The following KIAA0319 variants were observed in gnomAD, a reference collection of about 807,000 sequenced individuals.
KIAA0319 encodes the protein KIAA0319, also known as dyslexia-associated protein KIAA0319.
KIAA0319 carries 83 observed loss-of-function variants against 108.4 expected under a neutral mutation model. The observed-to-expected ratio is 0.77, with a 90% CI of 0.64 to 0.92. The LOEUF (loss-of-function observed/expected upper bound fraction) is 0.92, where lower values mean the gene tolerates loss of function less well. Ranked by LOEUF, KIAA0319 falls within the 40% of genes least tolerant of loss-of-function variation. The pLI is 0.00. For synonymous variants in KIAA0319, 484 were observed against 510.4 expected (o/e 0.95, Z 0.70); for missense variants, 1,195 against 1,322.4 (o/e 0.90, Z 1.49).
chr6:24,612,316 G>C (rs1037883421), intron 1 of KIAA0319, among the ~76,000 whole-genome samples: 1 of 151,898 alleles, frequency 6.6e-6, no homozygotes, highest in African/African-American at 2.4e-5. Flanking sequence ...GCCAAGCATA[G>C]TGGCACCACC....
At chr6:24,619,798 A>G (rs1046580433) in intron 1 of KIAA0319, among the ~76,000 whole-genome samples, 7 of 152,226 alleles carry the variant, frequency 4.6e-5, no homozygotes, top group Non-Finnish European at 8.8e-5. Flanking sequence ...AGGGGGAGAA[A>G]CTTAAAATAA....
rs910767364 is a variant in KIAA0319, at chr6:24,588,013, G to C, written c.994+580C>G. Among the ~76,000 whole-genome samples the C allele has an allele frequency of 8.5e-5, 13 of 152,172 alleles. 1 individual carries two copies. The highest frequency in any genetic ancestry group is 1.9e-4 in the Non-Finnish European group (13 of 68,040). On this transcript the variant is annotated intron_variant, in intron 4 of 20. Coordinates refer to ENST00000378214, the MANE Select transcript of KIAA0319 (RefSeq NM_014809.4). ...AAAATACATGATCTTTCCAGTTCTT[G>C]TCCTGCTTACCACTCCAGTTCCAGC...
At chr6:24,596,641 T>C (rs764270112) in intron 2 of KIAA0319, 23 bp from the exon 3 acceptor site, 2 of 1,570,044 alleles carry the variant, frequency 1.3e-6, no homozygotes, top group Non-Finnish European at 1.7e-6. Context: ...TAGTTTCTAA[T>C]GAGGGAGAGA....
chr6:24,613,280 G>A (rs2127557121), intron 1 of KIAA0319, among the ~76,000 whole-genome samples: 1 of 152,218 alleles, frequency 6.6e-6, no homozygotes, highest in Non-Finnish European at 1.5e-5. Context: ...GAGGGGTGGA[G>A]GATGAACAGG....
At chr6:24,632,144 G>GTAGAA (rs1775660445) in intron 1 of KIAA0319, among the ~76,000 whole-genome samples, 1 of 152,210 alleles carries the variant, frequency 6.6e-6, no homozygotes, top group African/African-American at 2.4e-5. Context: ...TGGAAAGAAG[G>GTAGAA]TAGAATATTG....
At chr6:24,601,826 C>T (rs2127535858) in intron 1 of KIAA0319, among the ~76,000 whole-genome samples, 1 of 152,300 alleles carries the variant, frequency 6.6e-6, no homozygotes, top group South Asian at 2.1e-4. Flanking sequence ...AGCAATCTGG[C>T]TTCCTACAAG....
At chr6:24,630,648 A>G (rs749849955) in intron 1 of KIAA0319, among the ~76,000 whole-genome samples, 15 of 148,592 alleles carry the variant, frequency 1.0e-4, no homozygotes, top group Non-Finnish European at 1.9e-4. Context: ...CTTCTTTTAG[A>G]TTCTCGTTCC....
intron 1 of KIAA0319, among the ~76,000 whole-genome samples, chr6:24,602,600 A>C (rs1412985665): frequency 6.6e-6 from 1 of 152,138 alleles, no homozygotes; most frequent in Non-Finnish European, 1.5e-5. Flanking sequence ...GGAGATCGAG[A>C]CCATCCTGGC....
At chr6:24,642,990 G>A (rs1777163302) in intron 1 of KIAA0319, among the ~76,000 whole-genome samples, 1 of 152,198 alleles carries the variant, frequency 6.6e-6, no homozygotes, top group Non-Finnish European at 1.5e-5. Flanking sequence ...TTATAGGCAT[G>A]AGCCACCGCG....
intron 1 of KIAA0319, among the ~76,000 whole-genome samples, chr6:24,603,802 T>C (rs1385965241): frequency 1.3e-5 from 2 of 152,200 alleles, no homozygotes; most frequent in African/African-American, 4.8e-5. Context: ...AGATGGTGTC[T>C]GGAAGTTCTA....
At chr6:24,613,038 A>T (rs186223953) in intron 1 of KIAA0319, among the ~76,000 whole-genome samples, 1 of 152,132 alleles carries the variant, frequency 6.6e-6, no homozygotes, top group East Asian at 1.9e-4. Context: ...TGACCTGGTG[A>T]TCCGCCCGCC....
chr6:24,641,372 G>A (rs1303059669), intron 1 of KIAA0319, among the ~76,000 whole-genome samples: 2 of 152,162 alleles, frequency 1.3e-5, no homozygotes, highest in African/African-American at 4.8e-5. Flanking sequence ...CTTTAGAAAG[G>A]TAACCCTAGA....
intron 1 of KIAA0319, among the ~76,000 whole-genome samples, chr6:24,613,172 C>T (rs1772616418): frequency 6.6e-6 from 1 of 152,062 alleles, no homozygotes; most frequent in Non-Finnish European, 1.5e-5. Context: ...TGAGAGCTTA[C>T]ATCTACTCGG....
intron 1 of KIAA0319, among the ~76,000 whole-genome samples, chr6:24,615,235 G>A (rs565412967): frequency 1.3e-5 from 2 of 152,168 alleles, no homozygotes; most frequent in East Asian, 3.9e-4. Context: ...ACAACCTAAC[G>A]TCAATTGACA....
chr6:24,630,687 A>ATG (rs1409403451), intron 1 of KIAA0319, among the ~76,000 whole-genome samples: 1 of 70,756 alleles, frequency 1.4e-5, no homozygotes, highest in African/African-American at 7.2e-5. Context: ...ATATGTGTAT[A>ATG]TATATATATA....
In KIAA0319 at chr6:24,601,035, T is replaced by A. The variant is rs536949012; in HGVS notation, c.55+14A>T. Reference sequence around the variant, plus strand: ...AAGTCCAACACGGGTATCTCCAGGGTAGTAGTTCCCTACCTGCAATTGTCA... The same window carrying A: ...AAGTCCAACACGGGTATCTCCAGGGAAGTAGTTCCCTACCTGCAATTGTCA... On this transcript the variant is annotated intron_variant, in intron 2 of 20. Transcript: ENST00000378214. 278 of 1,613,506 alleles carry A rather than the reference T, an allele frequency of 1.7e-4. 2 individuals carry two copies. The African/African-American group carries it at 3.4e-3, about 19-fold the overall frequency.
At chr6:24,565,252 CAA>C (rs560388358) in intron 14 of KIAA0319, among the ~76,000 whole-genome samples, 1 of 142,508 alleles carries the variant, frequency 7.0e-6, no homozygotes, top group Admixed American at 7.0e-5. Context: ...GACTCGGACT[CAA>C]AAAAAAAAAG....
At position 24,558,273 on chromosome 6, in the gene KIAA0319, C is replaced by CAA. The variant is rs112514454; in HGVS notation, c.2734+738_2734+739dup. Reference sequence around the variant, plus strand: ...CTAAGGCCATCTCTACTAAAAATACCAAAAAAAAAGAAAAGAAAAAAGGAG... The same window carrying CAA: ...CTAAGGCCATCTCTACTAAAAATACCAAAAAAAAAAAGAAAAGAAAAAAGGAG... On this transcript the variant is annotated intron_variant, in intron 17 of 20. Transcript: ENST00000378214. 3.6e-3 allele frequency among the ~76,000 whole-genome samples: 512 copies of CAA among 143,446 alleles called. 2 individuals are homozygous for CAA. Among genetic ancestry groups the CAA allele is most frequent in the African/African-American group, 0.012 (470 of 39,428 alleles). 94.1% of individuals were successfully genotyped at this position (143,446 alleles called of 152,430 possible).
intron 4 of KIAA0319, 81 bp downstream of exon 4, chr6:24,588,512 G>A: frequency 8.2e-7 from 1 of 1,225,246 alleles, no homozygotes; most frequent in Non-Finnish European, 1.2e-6. Flanking sequence ...GAGGGAATGA[G>A]TAAACTTTAA....
Sources: allele counts gnomAD v4.1 joint callset (sites outside exome capture counted in the v4.1 genomes callset), GRCh38; gene constraint gnomAD v4.1.1; transcripts MANE v1.5; gene names NCBI Gene and HGNC (gene_info 2026-07-23, HGNC 2026-07-21).